Variants in TAOK3 observed in about 807,000 individuals in gnomAD.
The protein encoded by TAOK3 is TAO kinase 3.
Under a neutral mutation model 120.4 loss-of-function variants are expected in TAOK3, and 40 were observed. The ratio of observed to expected loss-of-function variants is 0.33; its 90% CI spans 0.26 to 0.43. The LOEUF is 0.43. Among genes scored for constraint, TAOK3 ranks in the 20% least tolerant of loss-of-function variants. The probability of loss-of-function intolerance (pLI) is 1.00; values close to 1 mark genes in which losing one functional copy is unlikely to be tolerated. For missense variants in TAOK3, 821 were observed against 1,112.1 expected (o/e 0.74, Z 3.72); for synonymous variants, 355 against 387.5 (o/e 0.92, Z 0.99).
chr12:118,305,991 T>C (rs1387453704), intron 1 of TAOK3, among the ~76,000 whole-genome samples: 1 of 152,012 alleles, frequency 6.6e-6, no homozygotes, highest in African/African-American at 2.4e-5. Flanking sequence ...TCTTCTGTCA[T>C]AGGATAGAAA....
intron 1 of TAOK3, among the ~76,000 whole-genome samples, chr12:118,341,025 C>T (rs2044595591): frequency 6.7e-6 from 1 of 149,610 alleles, no homozygotes; most frequent in African/African-American, 2.5e-5. Flanking sequence ...GAGTCTCACT[C>T]TGTTGCCCAG....
intron 15 of TAOK3, among the ~76,000 whole-genome samples, chr12:118,179,321 G>A (rs1193918311): frequency 3.3e-5 from 5 of 152,190 alleles, no homozygotes; most frequent in Non-Finnish European, 7.3e-5. Flanking sequence ...CAACACTATG[G>A]AAGTCTCATG....
At chr12:118,281,904 T>A (rs1468870208) in intron 1 of TAOK3, among the ~76,000 whole-genome samples, 1 of 152,172 alleles carries the variant, frequency 6.6e-6, no homozygotes, top group African/African-American at 2.4e-5. Flanking sequence ...TAAAAAATAT[T>A]TTGATGTACA....
chr12:118,347,685 T>G (rs2044927404), intron 1 of TAOK3, among the ~76,000 whole-genome samples: 1 of 152,198 alleles, frequency 6.6e-6, no homozygotes, highest in South Asian at 2.1e-4. Flanking sequence ...TAACACAAAA[T>G]TCTGTGCTGA....
intron 5 of TAOK3, among the ~76,000 whole-genome samples, chr12:118,241,540 G>T (rs1362756438): frequency 6.6e-6 from 1 of 152,110 alleles, no homozygotes; most frequent in Non-Finnish European, 1.5e-5. Flanking sequence ...CAGCATTTTT[G>T]TCACAAATAT....
intron 1 of TAOK3, chr12:118,297,120 T>C (rs1256920431): frequency 6.6e-6 from 1 of 152,122 alleles, no homozygotes; most frequent in Non-Finnish European, 1.5e-5. Context: ...AAAGGATGGA[T>C]ATAGGCCTCA....
At chr12:118,318,770 T>C (rs1456212209) in intron 1 of TAOK3, among the ~76,000 whole-genome samples, 3 of 152,202 alleles carry the variant, frequency 2.0e-5, no homozygotes, top group Non-Finnish European at 4.4e-5. Flanking sequence ...GAAAGAGATA[T>C]GTACTTTTCA....
intron 1 of TAOK3, among the ~76,000 whole-genome samples, chr12:118,278,570 G>A (rs914973562): frequency 2.6e-5 from 4 of 152,082 alleles, no homozygotes; most frequent in African/African-American, 4.8e-5. Flanking sequence ...TTGATTCCAT[G>A]TCTTTGTTAT....
At chr12:118,257,543 A>C (rs1270093559) in intron 2 of TAOK3, among the ~76,000 whole-genome samples, 1 of 152,288 alleles carries the variant, frequency 6.6e-6, no homozygotes, top group Non-Finnish European at 1.5e-5. Context: ...CAACGTTTAC[A>C]CTGATCACAG....
intron 13 of TAOK3, among the ~76,000 whole-genome samples, chr12:118,197,682 CTTTTTTTT>C (rs67635506): frequency 3.3e-5 from 3 of 90,780 alleles, no homozygotes; most frequent in East Asian, 3.2e-4. Context: ...GCAAAACCTT[CTTTTTTTT>C]TTTTTTTTTT....
Position 118,161,764 on chromosome 12 carries a change from A to G in TAOK3, c.2139+24T>C. ...AGAGAAACCACTGATCTGGTCCAAC[A>G]CTGTCCAGCAGCACAAATCTTACCT... On this transcript the variant is annotated intron_variant, in intron 18 of 20. Coordinates refer to ENST00000392533, the MANE Select transcript of TAOK3 (RefSeq NM_016281.4). The surrounding 1 kb of genome is among the most constrained non-coding windows in gnomAD (Gnocchi z 4.5). 3 of 1,613,606 alleles carry G rather than the reference A, an allele frequency of 1.9e-6. No homozygotes were observed. The highest frequency in any genetic ancestry group is 2.5e-6 in the Non-Finnish European group (3 of 1,179,814).
At chr12:118,331,489 A>G (rs1416426089) in intron 1 of TAOK3, among the ~76,000 whole-genome samples, 1 of 151,896 alleles carries the variant, frequency 6.6e-6, no homozygotes, top group Admixed American at 6.6e-5. Context: ...TACTAAAAAT[A>G]CAAAAATTAG....
intron 16 of TAOK3, among the ~76,000 whole-genome samples, chr12:118,175,803 C>T (rs1377959451): frequency 1.3e-5 from 2 of 152,164 alleles, no homozygotes; most frequent in Admixed American, 6.6e-5. Flanking sequence ...CCTGTAAGTA[C>T]TGGTAAAAGG....
At chr12:118,320,569 G>T (rs2043662130) in intron 1 of TAOK3, among the ~76,000 whole-genome samples, 1 of 152,054 alleles carries the variant, frequency 6.6e-6, no homozygotes, top group African/African-American at 2.4e-5. Context: ...AAAATAATTA[G>T]TAATAGTTAT....
intron 1 of TAOK3, among the ~76,000 whole-genome samples, chr12:118,343,426 CAAAA>C (rs368283127): frequency 1.1e-4 from 9 of 78,588 alleles, no homozygotes; most frequent in Admixed American, 1.4e-4. Context: ...GTCCCTGTCT[CAAAA>C]AAAAAAAAAA....
At chr12:118,370,749 A>G (rs1266105711) in intron 1 of TAOK3, among the ~76,000 whole-genome samples, 1 of 152,170 alleles carries the variant, frequency 6.6e-6, no homozygotes, top group Non-Finnish European at 1.5e-5. Context: ...TCATTAGTTT[A>G]ATTTTCACAT....
chr12:118,370,071 C>T (rs998988371), intron 1 of TAOK3, among the ~76,000 whole-genome samples: 1 of 152,146 alleles, frequency 6.6e-6, no homozygotes, highest in South Asian at 2.1e-4. Context: ...GACGGGGTTT[C>T]ATCATGTTGG....
At chr12:118,368,164 G>A (rs1326881118) in intron 1 of TAOK3, among the ~76,000 whole-genome samples, 1 of 152,156 alleles carries the variant, frequency 6.6e-6, no homozygotes, top group Non-Finnish European at 1.5e-5. Flanking sequence ...GCCTTCATAC[G>A]GAACTGTAAG....
At chr12:118,234,550 T>G (rs915362538) in intron 8 of TAOK3, among the ~76,000 whole-genome samples, 8 of 152,208 alleles carry the variant, frequency 5.3e-5, no homozygotes, top group Admixed American at 1.3e-4. Flanking sequence ...GGAGTCTTTT[T>G]TTGTTGTTGT....
Sources: allele counts gnomAD v4.1 joint callset (sites outside exome capture counted in the v4.1 genomes callset), GRCh38; gene constraint gnomAD v4.1.1; non-coding constraint Gnocchi (gnomAD v3.1); transcripts MANE v1.5; gene names NCBI Gene and HGNC (gene_info 2026-07-23, HGNC 2026-07-21).